The following MTMR8 variants were observed in gnomAD, a reference collection of about 807,000 sequenced individuals.
MTMR8 encodes the protein phosphatidylinositol-3,5-bisphosphate 3-phosphatase MTMR8.
A neutral mutation model predicts 39.3 loss-of-function variants in MTMR8; 65 were observed. That is an observed-to-expected ratio of 1.65 (90% CI 1.35 to 2.03). MTMR8 has a LOEUF of 2.03. Among genes scored for constraint, MTMR8 ranks in the 30% most tolerant of loss-of-function variants. The pLI, the probability that MTMR8 is intolerant of heterozygous loss-of-function variation, is 0.00. For missense variants in MTMR8, 777 were observed against 538.9 expected, an observed-to-expected ratio of 1.44 and a Z score of -4.37; for synonymous variants, 245 against 185.2, an observed-to-expected ratio of 1.32 and a Z score of -2.62.
chrX:64,364,870 A>G (rs758037521), intron 1 of MTMR8, among the ~76,000 whole-genome samples: 25 of 111,382 alleles, frequency 2.2e-4, no homozygotes, highest in African/African-American at 7.2e-4. Context: ...TTGAAAAAAG[A>G]TTAGACGAAT....
intron 12 of MTMR8, among the ~76,000 whole-genome samples, chrX:64,297,681 C>T (rs1468648698): frequency 3.0e-5 from 3 of 100,941 alleles, no homozygotes; most frequent in African/African-American, 1.1e-4. Flanking sequence ...AATGGTAATG[C>T]CTAGGTTTTC....
Position 64,268,658 on chromosome X carries a change from C to T in MTMR8, c.1994G>A (p.Gly665Asp). Residue 665 changes from glycine (G) to aspartate (D), a missense_variant, in exon 14 of 14, where the codon GGC (glycine) becomes GAC (aspartate). Physicochemically the swap from Gly to Asp is moderately conservative, Grantham distance 94. Transcript: ENST00000374852. Reference sequence around the variant, plus strand: ...AGAAATACCCAAGTTTCCAGAGATGCCAGTGGCCTCAGAGATGTCCATGGC... The same window carrying T: ...AGAAATACCCAAGTTTCCAGAGATGTCAGTGGCCTCAGAGATGTCCATGGC... ...CGAMDISEATGISGNLGISEA... is the reference protein window; with the variant it reads ...CGAMDISEATDISGNLGISEA... 2.5e-6 allele frequency: 3 copies of T among 1,211,663 alleles called. No homozygotes were observed. Among genetic ancestry groups the T allele is most frequent in the South Asian group, 1.8e-5 (1 of 56,956 alleles).
intron 1 of MTMR8, among the ~76,000 whole-genome samples, chrX:64,390,797 A>T (rs1181904057): frequency 9.1e-6 from 1 of 110,209 alleles, no homozygotes; most frequent in Non-Finnish European, 1.9e-5. Flanking sequence ...CTGAGACCAC[A>T]GGTGCAAGCC....
chrX:64,294,392 C>T (rs1430210632), intron 12 of MTMR8, among the ~76,000 whole-genome samples: 1 of 111,408 alleles, frequency 9.0e-6, no homozygotes, highest in Non-Finnish European at 1.9e-5. Flanking sequence ...GCCCTGTGAT[C>T]GAACTTGTGC....
At chrX:64,296,937 T>G (rs1274476356) in intron 12 of MTMR8, among the ~76,000 whole-genome samples, 1 of 103,539 alleles carries the variant, frequency 9.7e-6, no homozygotes, top group African/African-American at 3.5e-5. Flanking sequence ...TGCATAATAT[T>G]CCATGGTGTA....
At chrX:64,310,781 G>A (rs1922272515) in intron 12 of MTMR8, among the ~76,000 whole-genome samples, 1 of 110,815 alleles carries the variant, frequency 9.0e-6, no homozygotes, top group Non-Finnish European at 1.9e-5. Context: ...ATAGTTTGCT[G>A]AGAACGACGG....
intron 10 of MTMR8, among the ~76,000 whole-genome samples, 171 bp from the exon 11 acceptor site, chrX:64,331,928 T>G (rs1922953508): frequency 9.0e-6 from 1 of 111,681 alleles, no homozygotes; most frequent in South Asian, 3.7e-4. Context: ...AGCAGACCTC[T>G]TAGCTGCTGG....
chrX:64,318,251 T>C (rs1223690080), intron 12 of MTMR8, among the ~76,000 whole-genome samples: 1 of 112,338 alleles, frequency 8.9e-6, no homozygotes, highest in Non-Finnish European at 1.9e-5. Context: ...TTTGGGTATT[T>C]TGTGATAGCT....
At chrX:64,269,774 A>G (rs1469169487) in intron 13 of MTMR8, among the ~76,000 whole-genome samples, 1 of 110,602 alleles carries the variant, frequency 9.0e-6, no homozygotes, top group Non-Finnish European at 1.9e-5. Context: ...CTAACTTAAC[A>G]CTTATATTGC....
intron 12 of MTMR8, among the ~76,000 whole-genome samples, chrX:64,300,035 G>A (rs1225570037): frequency 2.2e-5 from 2 of 90,464 alleles, no homozygotes; most frequent in African/African-American, 8.1e-5. Flanking sequence ...GTGGTGTGGT[G>A]CTGAAAAAAA....
chrX:64,297,883 G>C (rs752613865), intron 12 of MTMR8, among the ~76,000 whole-genome samples: 1 of 105,686 alleles, frequency 9.5e-6, no homozygotes, highest in African/African-American at 3.5e-5. Context: ...TCAAAGATCA[G>C]ATAGTTGTAG....
intron 12 of MTMR8, among the ~76,000 whole-genome samples, chrX:64,309,822 A>G (rs763467399): frequency 1.5e-4 from 17 of 112,461 alleles, no homozygotes; most frequent in Admixed American, 2.8e-4. Flanking sequence ...CAACAACATT[A>G]TATCTAAAAA....
chrX:64,367,858 A>T (rs998054164), intron 1 of MTMR8, among the ~76,000 whole-genome samples: 2 of 111,230 alleles, frequency 1.8e-5, no homozygotes, highest in African/African-American at 6.5e-5. Flanking sequence ...TATCTAGAAA[A>T]CCCCATTGTC....
At chrX:64,372,694 A>T (rs1324847872) in intron 1 of MTMR8, among the ~76,000 whole-genome samples, 1 of 111,796 alleles carries the variant, frequency 8.9e-6, no homozygotes, top group Non-Finnish European at 1.9e-5. Flanking sequence ...TTGCAACTGT[A>T]TGGATATATC....
intron 13 of MTMR8, among the ~76,000 whole-genome samples, chrX:64,269,855 A>C (rs1358127906): frequency 8.9e-6 from 1 of 111,990 alleles, no homozygotes; most frequent in Non-Finnish European, 1.9e-5. Flanking sequence ...TCTGTATTAA[A>C]AAAAGAAAGT....
intron 12 of MTMR8, among the ~76,000 whole-genome samples, chrX:64,318,276 A>G (rs746967502): frequency 8.5e-4 from 96 of 112,478 alleles, no homozygotes; most frequent in African/African-American, 3.0e-3. Flanking sequence ...GAGGCCAGAA[A>G]TCTAGACTCC....
chrX:64,371,071 C>A (rs1418743418), intron 1 of MTMR8, among the ~76,000 whole-genome samples: 2 of 111,765 alleles, frequency 1.8e-5, no homozygotes, highest in Non-Finnish European at 3.8e-5. Flanking sequence ...TCAGAAGGAT[C>A]ACTTGAACTC....
intron 11 of MTMR8, among the ~76,000 whole-genome samples, chrX:64,331,192 G>A (rs191438386): frequency 4.5e-5 from 5 of 111,826 alleles, no homozygotes; most frequent in East Asian, 2.8e-4. Flanking sequence ...TGTTGGGTTG[G>A]GTTCGGCCTA....
chrX:64,389,884 A>T (rs1375555609), intron 1 of MTMR8, among the ~76,000 whole-genome samples: 1 of 111,897 alleles, frequency 8.9e-6, no homozygotes, highest in Admixed American at 9.5e-5. Context: ...ATTCAAAGCC[A>T]GCTTTGTCCA....
Sources: allele counts gnomAD v4.1 joint callset (sites outside exome capture counted in the v4.1 genomes callset), GRCh38; gene constraint gnomAD v4.1.1; transcripts MANE v1.5; gene names NCBI Gene and HGNC (gene_info 2026-07-23, HGNC 2026-07-21).